The following DPP10 variants were observed in gnomAD, a reference collection of about 807,000 sequenced individuals.
DPP10 encodes dipeptidyl peptidase like 10, also known as inactive dipeptidyl peptidase 10.
A neutral mutation model predicts 120.9 loss-of-function variants in DPP10; 33 were observed. The observed-to-expected ratio is 0.27, with a 90% CI of 0.21 to 0.37. The LOEUF (loss-of-function observed/expected upper bound fraction) is 0.37. Ranked by LOEUF, DPP10 falls within the 10% of genes least tolerant of loss-of-function variation. The pLI, the probability that DPP10 is intolerant of heterozygous loss-of-function variation, is 1.00. For missense variants in DPP10, 816 were observed against 942.8 expected (o/e 0.87, Z 1.76); for synonymous variants, 337 against 326.1 (o/e 1.03, Z -0.36).
chr2:114,464,118 G>T (rs563286152), intron 1 of DPP10, among the ~76,000 whole-genome samples: 1 of 152,288 alleles, frequency 6.6e-6, no homozygotes, highest in African/African-American at 2.4e-5. Flanking sequence ...AGGTTTTTGT[G>T]TGGACATAAA....
intron 1 of DPP10, among the ~76,000 whole-genome samples, chr2:115,253,206 ATGT>A (rs1434035233): frequency 2.0e-5 from 3 of 152,052 alleles, no homozygotes; most frequent in East Asian, 3.9e-4. Flanking sequence ...AAACAACCAG[ATGT>A]TGTGAGAGGA....
intron 1 of DPP10, among the ~76,000 whole-genome samples, chr2:115,111,837 C>T (rs919679113): frequency 4.6e-5 from 7 of 152,178 alleles, no homozygotes; most frequent in Admixed American, 3.3e-4. Flanking sequence ...TTATCCTTCA[C>T]TGGTAAGTTA....
At chr2:114,930,479 T>C (rs1023441716) in intron 1 of DPP10, among the ~76,000 whole-genome samples, 3 of 152,198 alleles carry the variant, frequency 2.0e-5, no homozygotes, top group Middle Eastern at 3.2e-3. Context: ...ATAAATGCAA[T>C]GCAGGAAAGT....
chr2:115,617,621 G>T (rs1319638196), intron 5 of DPP10, among the ~76,000 whole-genome samples: 2 of 151,602 alleles, frequency 1.3e-5, no homozygotes, highest in Admixed American at 1.3e-4. Flanking sequence ...CAGCTTTTAG[G>T]ACATTAACAT....
intron 17 of DPP10, 52 bp downstream of exon 17, chr2:115,782,451 G>A: frequency 1.3e-6 from 2 of 1,506,462 alleles, no homozygotes; most frequent in Non-Finnish European, 1.8e-6. Flanking sequence ...ATTAGTCTTA[G>A]ACATCGTGTT....
intron 1 of DPP10, among the ~76,000 whole-genome samples, chr2:114,576,785 T>C (rs1372310625): frequency 3.9e-5 from 6 of 152,184 alleles, no homozygotes; most frequent in African/African-American, 1.2e-4. Context: ...ACTCAAGATA[T>C]GTTCTTTGGC....
At chr2:114,471,216 T>C (rs1679881778) in intron 1 of DPP10, among the ~76,000 whole-genome samples, 2 of 152,164 alleles carry the variant, frequency 1.3e-5, no homozygotes, top group Admixed American at 1.3e-4. Flanking sequence ...ATAAAAGCTG[T>C]TATATTGTTA....
intron 1 of DPP10, among the ~76,000 whole-genome samples, chr2:115,115,160 G>T (rs1435179786): frequency 6.6e-6 from 1 of 152,040 alleles, no homozygotes; most frequent in African/African-American, 2.4e-5. Context: ...ATAGAAAACG[G>T]TTGTTTCTTC....
At chr2:114,864,501 A>G (rs1344306277) in intron 1 of DPP10, among the ~76,000 whole-genome samples, 1 of 152,216 alleles carries the variant, frequency 6.6e-6, no homozygotes, top group Non-Finnish European at 1.5e-5. Flanking sequence ...CCCACTGAGA[A>G]GTGTGCTTGA....
rs570554248 is a variant in DPP10 at position 115,534,366 on chromosome 2, T to G, written c.441+8394T>G. Among the ~76,000 whole-genome samples, 545 of 151,696 alleles carry G rather than the reference T, an allele frequency of 3.6e-3. 3 individuals are homozygous for G. The highest frequency in any genetic ancestry group is 0.012 in the African/African-American group (506 of 41,344). On this transcript the variant is annotated intron_variant, in intron 5 of 25. Transcript: ENST00000410059. ...ATGAGTGAGAATATGCGGTGTTTGGTTTTTTGTTCTTGCGATAGTTTACTG... is the reference window on the plus strand; with the variant it reads ...ATGAGTGAGAATATGCGGTGTTTGGGTTTTTGTTCTTGCGATAGTTTACTG...
intron 1 of DPP10, among the ~76,000 whole-genome samples, chr2:115,230,467 A>C (rs1261445058): frequency 1.3e-4 from 19 of 151,976 alleles, no homozygotes. Flanking sequence ...TTTTGTAGGT[A>C]GTATTTCTGC....
At chr2:115,751,763 C>T (rs1678737467) in intron 10 of DPP10, among the ~76,000 whole-genome samples, 1 of 150,350 alleles carries the variant, frequency 6.7e-6, no homozygotes, top group Non-Finnish European at 1.5e-5. Context: ...TTTTCTAAGT[C>T]ATATAAAACT....
chr2:115,721,171 G>A (rs1264094489), intron 7 of DPP10, among the ~76,000 whole-genome samples: 2 of 152,140 alleles, frequency 1.3e-5, no homozygotes, highest in African/African-American at 4.8e-5. Flanking sequence ...ACTCCATTTT[G>A]CCAATTATAA....
At position 115,161,898 on chromosome 2, in the gene DPP10, G is replaced by A. The variant is rs997201073; in HGVS notation, c.61-147341G>A. The stretch of plus-strand genomic sequence containing the variant: ...CCGTGACCTGCGAACGCTGCCAAGT[G>A]ACGGTCCCCGAGTCTGAAGCGCCCG... On this transcript the variant is annotated intron_variant, in intron 1 of 25. Transcript: ENST00000410059. 4 of 1,417,512 alleles carry A rather than the reference G, an allele frequency of 2.8e-6. No homozygotes were observed. In the African/African-American group the frequency reaches 4.5e-5, roughly 16 times the overall value. 87.8% of individuals were successfully genotyped at this position (1,417,512 alleles called of 1,614,324 possible). A position where few individuals can be genotyped will look rare whatever the true frequency, so the allele number is the denominator to read the frequency against.
intron 1 of DPP10, among the ~76,000 whole-genome samples, chr2:114,953,455 G>A (rs1045158012): frequency 2.0e-5 from 3 of 152,040 alleles, no homozygotes; most frequent in African/African-American, 7.2e-5. Flanking sequence ...CTATGGAATA[G>A]TTTTTCTTGC....
intron 9 of DPP10, among the ~76,000 whole-genome samples, chr2:115,742,259 T>C (rs1422377196): frequency 2.0e-5 from 3 of 152,206 alleles, no homozygotes; most frequent in African/African-American, 7.2e-5. Flanking sequence ...CTCCCACAGG[T>C]CAACAATTTG....
intron 1 of DPP10, among the ~76,000 whole-genome samples, chr2:114,628,481 A>G (rs1694675332): frequency 6.6e-6 from 1 of 152,162 alleles, no homozygotes; most frequent in Admixed American, 6.6e-5. Flanking sequence ...AAATTTTGCC[A>G]ACTTCATTAA....
intron 3 of DPP10, among the ~76,000 whole-genome samples, chr2:115,387,017 GTATC>G (rs2066991018): frequency 6.6e-6 from 1 of 152,050 alleles, no homozygotes; most frequent in African/African-American, 2.4e-5. Flanking sequence ...ATGTCAGTAT[GTATC>G]TTTCTTTTCC....
chr2:115,266,019 TGAAG>T (rs2059447597), intron 1 of DPP10, among the ~76,000 whole-genome samples: 1 of 151,950 alleles, frequency 6.6e-6, no homozygotes, highest in Non-Finnish European at 1.5e-5. Context: ...TTATCAAAGA[TGAAG>T]AAGAAGAGGT....
Sources: gnomAD v4.1 joint callset for allele counts (sites outside exome capture counted in the v4.1 genomes callset) on GRCh38, gnomAD v4.1.1 for gene constraint, MANE v1.5 for transcripts, NCBI Gene and HGNC (gene_info 2026-07-23, HGNC 2026-07-21) for gene names.